The following DNAH11 variants were observed in gnomAD, a reference collection of about 807,000 sequenced individuals.
DNAH11 encodes axonemal beta dynein heavy chain 11.
A neutral mutation model predicts 526.0 loss-of-function variants in DNAH11; 442 were observed. The observed-to-expected ratio is 0.84, with a 90% confidence interval of 0.78 to 0.91. The LOEUF (loss-of-function observed/expected upper bound fraction) is 0.91, where lower values mean the gene tolerates loss of function less well. DNAH11 is among the 40% of genes least tolerant of loss of function. The pLI is 0.00. For missense variants in DNAH11, 6,989 were observed against 5,448.7 expected (o/e 1.28, Z -8.90); for synonymous variants, 2,461 against 1,935.9 (o/e 1.27, Z -7.12).
In DNAH11 at chr7:21,735,730, A is replaced by G; in HGVS notation, c.7531A>G (p.Asn2511Asp). Reference protein sequence around the residue: ...EKGKPLMLVGNAGVGKTVFVG... With the variant: ...EKGKPLMLVGDAGVGKTVFVG... ...AGGAAAACCTCTAATGCTAGTAGGA[A>G]ATGCAGGAGTGGGAAAAACAGTCTT... Residue 2511 changes from asparagine (N) to aspartate (D), a missense_variant, in exon 46 of 82, where the codon AAT becomes GAT. Asn to Asp is a conservative substitution (Grantham distance 23, BLOSUM62 1). Coordinates refer to ENST00000409508, the MANE Select transcript of DNAH11 (RefSeq NM_001277115.2). 1.2e-6 allele frequency: 2 copies of G among 1,614,000 alleles called. No individual in the cohort carries two copies. The highest frequency in any genetic ancestry group is 1.7e-6 in the Non-Finnish European group (2 of 1,179,884).
chr7:21,786,169 T>C (rs1386232601), intron 58 of DNAH11, among the ~76,000 whole-genome samples: 1 of 152,178 alleles, frequency 6.6e-6, no homozygotes, highest in Non-Finnish European at 1.5e-5. Flanking sequence ...ATTTCTTTCT[T>C]GTACATGTAA....
In DNAH11 at chr7:21,892,497, T is replaced by G; in HGVS notation, c.12580T>G (p.Tyr4194Asp). Residue 4194 changes from tyrosine to aspartate, a missense_variant, in exon 77 of 82, where the codon TAC becomes GAC. By Grantham distance (160) the Tyr-to-Asp change is radical (BLOSUM62 -3). Transcript: ENST00000409508. The stretch of plus-strand genomic sequence containing the variant: ...CCTAGATTATGCAGGCTACCACCAG[T>G]ACATAGAGGAGATGCTTCCTCCAGA... ...PYLDYAGYHQ[Y>D]IEEMLPPESP... 6.2e-7 allele frequency: 1 copy of G among 1,613,930 alleles called. No individual in the cohort carries two copies. Among genetic ancestry groups the G allele is most frequent in the Non-Finnish European group, 8.5e-7 (1 of 1,179,870 alleles).
chr7:21,794,851 C>G (rs1488911409), intron 61 of DNAH11, among the ~76,000 whole-genome samples: 1 of 152,142 alleles, frequency 6.6e-6, no homozygotes, highest in Non-Finnish European at 1.5e-5. Context: ...AAATGGCTGT[C>G]CACCTCAGTC....
chr7:21,877,345 G>A (rs1457863208), intron 74 of DNAH11, among the ~76,000 whole-genome samples: 2 of 152,136 alleles, frequency 1.3e-5, no homozygotes, highest in African/African-American at 4.8e-5. Flanking sequence ...GAGTAGCTGG[G>A]ACTACAGGTG....
intron 32 of DNAH11, among the ~76,000 whole-genome samples, chr7:21,684,820 C>T (rs139130994): frequency 3.3e-5 from 5 of 152,240 alleles, no homozygotes; most frequent in East Asian, 1.9e-4. Flanking sequence ...GTCACATTGA[C>T]GGGAATTTCT....
chr7:21,881,000 A>G, intron 75 of DNAH11, 107 bp downstream of exon 75: 1 of 1,013,080 alleles, frequency 9.9e-7, no homozygotes, highest in Non-Finnish European at 1.4e-6. Context: ...TATTATTGAA[A>G]TAGCTGACAC....
chr7:21,859,021 C>T (rs371754645), intron 68 of DNAH11, among the ~76,000 whole-genome samples: 1 of 152,162 alleles, frequency 6.6e-6, no homozygotes. Context: ...TGACCTCATG[C>T]ACTTTATGCA....
In DNAH11 at chr7:21,555,077, C is replaced by T. The variant is rs145995393; in HGVS notation, c.496-3725C>T. Among the ~76,000 whole-genome samples, 548 of 152,224 alleles carry T rather than the reference C, an allele frequency of 3.6e-3. 4 individuals carry two copies. Among genetic ancestry groups the T allele is most frequent in the African/African-American group, 0.013 (524 of 41,530 alleles). On this transcript the variant is annotated intron_variant, in intron 2 of 81. Coordinates refer to ENST00000409508, the MANE Select transcript of DNAH11 (RefSeq NM_001277115.2). ...TGGGCAGGAACTTTTTACTAGGCTT[C>T]TTTTCTTCTTTGAAGGGGAACATGG...
intron 14 of DNAH11, among the ~76,000 whole-genome samples, chr7:21,597,744 G>C (rs2128445861): frequency 6.6e-6 from 1 of 152,292 alleles, no homozygotes; most frequent in African/African-American, 2.4e-5. Flanking sequence ...TTCAAGTTTA[G>C]ATTTGGGTGA....
chr7:21,688,100 G>A (rs1449445521), intron 34 of DNAH11, among the ~76,000 whole-genome samples: 1 of 152,090 alleles, frequency 6.6e-6, no homozygotes. Context: ...TCATTCCATT[G>A]ATCAGTTCTC....
At chr7:21,763,353 A>AAAAAAAGAAGAAG (rs66803559) in intron 54 of DNAH11, among the ~76,000 whole-genome samples, 5 of 56,964 alleles carry the variant, frequency 8.8e-5, no homozygotes, top group Admixed American at 2.3e-4. Context: ...AAAAAAAAAA[A>AAAAAAAGAAGAAG]AAAGAAAAAA....
At chr7:21,892,389 C>A (rs1428209143) in intron 76 of DNAH11, 36 bp from the exon 77 acceptor site, 1 of 1,582,144 alleles carries the variant, frequency 6.3e-7, no homozygotes, top group South Asian at 1.2e-5. Context: ...TGCCTACCTA[C>A]ATTTGGAATA....
chr7:21,635,173 T>A (rs1786799363), intron 25 of DNAH11, among the ~76,000 whole-genome samples: 1 of 149,548 alleles, frequency 6.7e-6, no homozygotes, highest in Non-Finnish European at 1.5e-5. Context: ...TTTGTTTGTT[T>A]GAGACAGAGT....
chr7:21,638,086 T>C (rs905329756), intron 27 of DNAH11, among the ~76,000 whole-genome samples: 2 of 152,200 alleles, frequency 1.3e-5, no homozygotes, highest in Non-Finnish European at 2.9e-5. Context: ...TTATTAGAAA[T>C]TATCCTGAGG....
intron 58 of DNAH11, 144 bp downstream of exon 58, chr7:21,784,684 GA>G: frequency 1.7e-6 from 1 of 585,294 alleles, no homozygotes; most frequent in Non-Finnish European, 2.8e-6. Context: ...TATTAAAGTT[GA>G]AACAAACCAT....
chr7:21,696,297 C>T (rs1783849628), intron 35 of DNAH11, among the ~76,000 whole-genome samples: 2 of 151,972 alleles, frequency 1.3e-5, no homozygotes, highest in Admixed American at 6.6e-5. Flanking sequence ...TATTACTGTT[C>T]TTATTAAATT....
intron 2 of DNAH11, among the ~76,000 whole-genome samples, chr7:21,558,323 A>G (rs962154208): frequency 1.2e-4 from 18 of 152,296 alleles, no homozygotes; most frequent in Non-Finnish European, 4.4e-5. Context: ...TCATGGTAGA[A>G]GGAGTTCTGA....
chr7:21,872,359 A>G (rs1415567982), intron 73 of DNAH11, among the ~76,000 whole-genome samples: 3 of 152,120 alleles, frequency 2.0e-5, no homozygotes, highest in South Asian at 2.1e-4. Context: ...TCTTTTTGCA[A>G]TAGAAATTTT....
chr7:21,717,645 A>T, intron 42 of DNAH11, 130 bp from the exon 43 acceptor site: 1 of 1,056,852 alleles, frequency 9.5e-7, no homozygotes, highest in Non-Finnish European at 1.3e-6. Flanking sequence ...TTTGAAAAAT[A>T]GAACGAACTC....
Sources: allele counts gnomAD v4.1 joint callset (sites outside exome capture counted in the v4.1 genomes callset), GRCh38; gene constraint gnomAD v4.1.1; transcripts MANE v1.5; gene names NCBI Gene and HGNC (gene_info 2026-07-23, HGNC 2026-07-21).